COX10: variants seen among roughly 807,000 people sequenced by gnomAD.
COX10 encodes the protein cytochrome c oxidase assembly factor heme A:farnesyltransferase COX10.
Under a neutral mutation model 37.3 loss-of-function variants are expected in COX10, and 27 were observed. The observed-to-expected ratio is 0.72, with a 90% CI of 0.53 to 1.00. COX10 has a LOEUF of 1.00. COX10 is among the 50% of genes least tolerant of loss of function. COX10 has a pLI of 0.00. For missense variants in COX10, 475 were observed against 563.2 expected (o/e 0.84, Z 1.59); for synonymous variants, 222 against 229.1 (o/e 0.97, Z 0.28).
intron 4 of COX10, among the ~76,000 whole-genome samples, chr17:14,152,189 G>A (rs915619513): frequency 6.6e-6 from 1 of 152,152 alleles, no homozygotes; most frequent in Non-Finnish European, 1.5e-5. Context: ...CCGTTTTCAT[G>A]CTGCTGATAA....
Position 14,166,790 on chromosome 17 carries a change from T to C in COX10, c.695+6843T>C, listed in dbSNP as rs1445781201. Among the ~76,000 whole-genome samples, 471 of 144,322 alleles carry C rather than the reference T, an allele frequency of 3.3e-3. 1 individual carries two copies. The highest frequency in any genetic ancestry group is 0.016 in the South Asian group (71 of 4,398). 94.7% of individuals were successfully genotyped at this position (144,322 alleles called of 152,430 possible). The stretch of plus-strand genomic sequence containing the variant: ...CCACGCCTGGCTATTTCTTTCTTTT[T>C]TTTTTTTTTTTTTTTTTGTATTTTT... On this transcript the variant is annotated intron_variant, in intron 5 of 6. Transcript: ENST00000261643.
intron 4 of COX10, among the ~76,000 whole-genome samples, chr17:14,124,596 G>A (rs1363913340): frequency 6.6e-6 from 1 of 151,982 alleles, no homozygotes; most frequent in Non-Finnish European, 1.5e-5. Flanking sequence ...TAATTAAGAT[G>A]GTATATTCAT....
At position 14,197,131 on chromosome 17, in the gene COX10, T is replaced by C. The variant is rs73979186; in HGVS notation, c.928+4910T>C. Reference sequence around the variant, plus strand: ...AATGGAAATCCTGCAGCCTCATATATTGAAGGCCCAATATATTTTGGAGGA... The same window carrying C: ...AATGGAAATCCTGCAGCCTCATATACTGAAGGCCCAATATATTTTGGAGGA... On this transcript the variant is annotated intron_variant, in intron 6 of 6. Transcript: ENST00000261643. 7.0e-3 allele frequency among the ~76,000 whole-genome samples: 1,073 copies of C among 152,282 alleles called. 12 individuals carry two copies. Among genetic ancestry groups the C allele is most frequent in the Middle Eastern group, 0.044 (13 of 294 alleles).
At chr17:14,117,495 G>T (rs925132810) in intron 4 of COX10, among the ~76,000 whole-genome samples, 11 of 152,152 alleles carry the variant, frequency 7.2e-5, no homozygotes, top group Non-Finnish European at 1.5e-4. Context: ...TCATTATTCC[G>T]TTTTCAAAAT....
intron 4 of COX10, among the ~76,000 whole-genome samples, chr17:14,154,179 T>G (rs1206039165): frequency 6.6e-6 from 1 of 152,208 alleles, no homozygotes; most frequent in East Asian, 1.9e-4. Context: ...TGGGGTGATT[T>G]GAATATGTTC....
At position 14,132,508 on chromosome 17, in the gene COX10, G is replaced by T. The variant is rs112698529; in HGVS notation, c.625-27369G>T. On this transcript the variant is annotated intron_variant, in intron 4 of 6. Transcript: ENST00000261643. ...CCCTTTACCGAATGGTGGTGGCTGTGTGTGAGCATAATAATTTGTATTTTT... is the reference window on the plus strand; with the variant it reads ...CCCTTTACCGAATGGTGGTGGCTGTTTGTGAGCATAATAATTTGTATTTTT... Among the ~76,000 whole-genome samples the T allele has an allele frequency of 2.0e-3, 311 of 151,920 alleles. 3 individuals are homozygous for T. The highest frequency in any genetic ancestry group is 7.0e-3 in the African/African-American group (292 of 41,524).
At chr17:14,196,722 C>T (rs1350348115) in intron 6 of COX10, among the ~76,000 whole-genome samples, 1 of 152,166 alleles carries the variant, frequency 6.6e-6, no homozygotes, top group Non-Finnish European at 1.5e-5. Flanking sequence ...CTCCTCTCAC[C>T]TACTACTTCC....
chr17:14,086,400 T>C (rs1384182989), intron 3 of COX10, among the ~76,000 whole-genome samples: 4 of 152,114 alleles, frequency 2.6e-5, no homozygotes, highest in African/African-American at 9.6e-5. Flanking sequence ...GTTTGAATGT[T>C]CTATTCACAA....
At chr17:14,154,145 A>G (rs980613633) in intron 4 of COX10, among the ~76,000 whole-genome samples, 1 of 152,222 alleles carries the variant, frequency 6.6e-6, no homozygotes, top group Non-Finnish European at 1.5e-5. Flanking sequence ...GAGGCGGACT[A>G]CAGGGAAACA....
At chr17:14,186,600 C>G (rs1906035818) in intron 5 of COX10, among the ~76,000 whole-genome samples, 1 of 151,800 alleles carries the variant, frequency 6.6e-6, no homozygotes, top group Non-Finnish European at 1.5e-5. Context: ...CATCAGTGCC[C>G]CCAGGACAAG....
chr17:14,144,895 T>C (rs1446230458), intron 4 of COX10, among the ~76,000 whole-genome samples: 2 of 151,954 alleles, frequency 1.3e-5, no homozygotes, highest in African/African-American at 4.8e-5. Flanking sequence ...GGAGAGGGGT[T>C]GGGATGGGGC....
chr17:14,076,548 T>A (rs1915155941), intron 2 of COX10, among the ~76,000 whole-genome samples, 187 bp from the exon 3 acceptor site: 1 of 152,204 alleles, frequency 6.6e-6, no homozygotes, highest in Admixed American at 6.5e-5. Context: ...AATTTTATTC[T>A]CCATATCTCT....
At chr17:14,150,581 C>A (rs1362219497) in intron 4 of COX10, among the ~76,000 whole-genome samples, 1 of 152,150 alleles carries the variant, frequency 6.6e-6, no homozygotes, top group African/African-American at 2.4e-5. Context: ...CCCTCACTTC[C>A]CTTGTATCCC....
At chr17:14,143,040 G>A (rs1904593247) in intron 4 of COX10, among the ~76,000 whole-genome samples, 1 of 152,092 alleles carries the variant, frequency 6.6e-6, no homozygotes, top group Admixed American at 6.6e-5. Flanking sequence ...TCATGTGGAT[G>A]GTCCAACTCT....
intron 4 of COX10, among the ~76,000 whole-genome samples, chr17:14,145,222 T>G (rs1597519967): frequency 6.6e-6 from 1 of 152,104 alleles, no homozygotes; most frequent in African/African-American, 2.4e-5. Flanking sequence ...AAACATCAGA[T>G]TCTTGAGAGT....
chr17:14,164,525 T>G (rs1339072717), intron 5 of COX10, among the ~76,000 whole-genome samples: 1 of 152,244 alleles, frequency 6.6e-6, no homozygotes, highest in Non-Finnish European at 1.5e-5. Context: ...TTTAAATTAT[T>G]TTTTCCAGAA....
chr17:14,125,435 A>G (rs912716543), intron 4 of COX10, among the ~76,000 whole-genome samples: 5 of 152,208 alleles, frequency 3.3e-5, no homozygotes, highest in Non-Finnish European at 7.4e-5. Flanking sequence ...CAATTTGGCT[A>G]TTGAAAAATA....
intron 4 of COX10, among the ~76,000 whole-genome samples, chr17:14,125,377 C>A (rs1013498182): frequency 2.0e-5 from 3 of 152,120 alleles, no homozygotes; most frequent in Non-Finnish European, 4.4e-5. Context: ...CAAATTCGTT[C>A]TTTGTTGAAT....
chr17:14,171,413 G>A (rs1905464682), intron 5 of COX10, among the ~76,000 whole-genome samples: 2 of 151,982 alleles, frequency 1.3e-5, no homozygotes, highest in African/African-American at 2.4e-5. Flanking sequence ...TGGAGGTGCA[G>A]TGGTGACTAA....
Sources: allele counts gnomAD v4.1 joint callset (sites outside exome capture counted in the v4.1 genomes callset), GRCh38; gene constraint gnomAD v4.1.1; transcripts MANE v1.5; gene names NCBI Gene and HGNC (gene_info 2026-07-23, HGNC 2026-07-21).